The following DCLK1 variants were observed in gnomAD, a reference collection of about 807,000 sequenced individuals.
DCLK1 encodes serine/threonine-protein kinase DCLK1.
In DCLK1, 16 loss-of-function variants were observed where a neutral mutation model predicts 86.2. The observed-to-expected ratio is 0.19, with a 90% CI of 0.13 to 0.28. DCLK1 has a LOEUF of 0.28. Among genes scored for constraint, DCLK1 ranks in the 10% least tolerant of loss-of-function variants. The probability of loss-of-function intolerance (pLI) is 1.00; values close to 1 mark genes in which losing one functional copy is unlikely to be tolerated. For synonymous variants in DCLK1, 369 were observed against 370.5 expected (o/e 1.00, Z 0.05); for missense variants, 590 against 940.2 (o/e 0.63, Z 4.87).
intron 5 of DCLK1, among the ~76,000 whole-genome samples, chr13:35,867,809 G>GA (rs1341363212): frequency 1.4e-5 from 2 of 144,836 alleles, no homozygotes; most frequent in Non-Finnish European, 3.1e-5. Flanking sequence ...ATGTACGCAA[G>GA]AATCTGATCC....
At chr13:35,895,322 A>C (rs74502583) in intron 4 of DCLK1, among the ~76,000 whole-genome samples, 2 of 151,846 alleles carry the variant, frequency 1.3e-5, no homozygotes, top group East Asian at 3.9e-4. Flanking sequence ...AATTCACTGG[A>C]TGGATTTTAA....
Position 36,056,629 on chromosome 13 carries a change from A to G in DCLK1, c.723+55240T>C, listed in dbSNP as rs1363036844. On this transcript the variant is annotated intron_variant, in intron 3 of 16. Coordinates refer to ENST00000360631, the MANE Select transcript of DCLK1 (RefSeq NM_001330071.2). ...CTTAAAGTATAATTTAAAAAAAAAA[A>G]AAAAAAAGAAAGAAATTCCAGAGCA... is the stretch of plus-strand genomic sequence containing the variant. Among the ~76,000 whole-genome samples, 6 of 147,294 alleles carry G rather than the reference A, an allele frequency of 4.1e-5. No individual in the cohort carries two copies. The East Asian group carries it at 1.2e-3, about 29-fold the overall frequency.
chr13:36,130,570 C>G (rs1353046422), intron 1 of DCLK1, among the ~76,000 whole-genome samples: 2 of 152,174 alleles, frequency 1.3e-5, no homozygotes, highest in East Asian at 3.9e-4. Flanking sequence ...ATGAGGCAGC[C>G]TCGCTGTCCC....
rs971426667 is a variant in DCLK1, at chr13:35,774,460, T to C, written c.*75A>G. ...GCGCTAGATAGATCAGATGAAACTG[T>C]TTTACACAAATTTGGGGGAAAAAAA... On this transcript the variant is annotated 3_prime_UTR_variant, in exon 17 of 17. Transcript: ENST00000360631. The C allele has an allele frequency of 1.4e-4, 207 of 1,521,320 alleles. No homozygotes were observed. The highest frequency in any genetic ancestry group is 4.3e-4 in the Admixed American group (21 of 48,884). The allele number at this position is 1,521,320 out of a possible 1,614,324, so 94.2% of individuals were successfully genotyped here.
chr13:35,878,047 C>T (rs532707119), intron 4 of DCLK1, among the ~76,000 whole-genome samples: 3 of 152,238 alleles, frequency 2.0e-5, no homozygotes, highest in South Asian at 2.1e-4. Context: ...ATTCTCTCCT[C>T]CTGTCTCCAT....
intron 3 of DCLK1, among the ~76,000 whole-genome samples, chr13:35,951,333 C>G (rs1187494283): frequency 6.6e-6 from 1 of 150,976 alleles, no homozygotes; most frequent in Non-Finnish European, 1.5e-5. Flanking sequence ...GATAGATGGA[C>G]GGATGGAAGA....
intron 3 of DCLK1, among the ~76,000 whole-genome samples, chr13:35,951,489 T>A (rs553234989): frequency 6.6e-6 from 1 of 150,772 alleles, no homozygotes; most frequent in African/African-American, 2.4e-5. Context: ...TATAGCCTAT[T>A]GCTCAGTTGC....
intron 6 of DCLK1, among the ~76,000 whole-genome samples, chr13:35,845,077 G>A (rs2153108839): frequency 6.6e-6 from 1 of 152,176 alleles, no homozygotes; most frequent in African/African-American, 2.4e-5. Context: ...GCGAAACCCT[G>A]TCTCTACTAA....
intron 4 of DCLK1, among the ~76,000 whole-genome samples, chr13:35,878,757 A>G (rs1872721537): frequency 6.6e-6 from 1 of 151,976 alleles, no homozygotes; most frequent in Non-Finnish European, 1.5e-5. Flanking sequence ...TGTACTCCAT[A>G]AATACATACA....
At chr13:35,999,850 T>A (rs1880635134) in intron 3 of DCLK1, among the ~76,000 whole-genome samples, 1 of 152,176 alleles carries the variant, frequency 6.6e-6, no homozygotes, top group Admixed American at 6.5e-5. Flanking sequence ...CTAGAGCTAA[T>A]CCTAGACTGT....
chr13:35,904,485 C>T (rs1473574409), intron 4 of DCLK1, among the ~76,000 whole-genome samples: 1 of 152,170 alleles, frequency 6.6e-6, no homozygotes, highest in East Asian at 1.9e-4. Flanking sequence ...AGCCACTGTG[C>T]CTGGCCTAAT....
intron 3 of DCLK1, among the ~76,000 whole-genome samples, chr13:35,997,699 G>T (rs1361437761): frequency 6.6e-6 from 1 of 152,110 alleles, no homozygotes; most frequent in Non-Finnish European, 1.5e-5. Flanking sequence ...CTTTAAATCA[G>T]ATATAAAAGA....
At chr13:35,786,876 C>A (rs184433445) in intron 16 of DCLK1, among the ~76,000 whole-genome samples, 2 of 152,192 alleles carry the variant, frequency 1.3e-5, no homozygotes, top group Admixed American at 1.3e-4. Context: ...ACACAAATAG[C>A]CTTCTATGTC....
At position 35,793,471 on chromosome 13, in the gene DCLK1, G is replaced by A. The variant is rs2086745051; in HGVS notation, c.1953C>T (p.Gly651=). ...VLEHPWVNDD[G]LPENEHQLSV... Reference sequence around the variant, plus strand: ...ACAGCTGATGTTCATTTTCTGGGAGGCCATCATCCTGGAGAAAAAGAAATA... The same window carrying A: ...ACAGCTGATGTTCATTTTCTGGGAGACCATCATCCTGGAGAAAAAGAAATA... Residue 651 remains glycine, a synonymous_variant, in exon 16 of 17, where the codon GGC becomes GGT. Coordinates refer to ENST00000360631, the MANE Select transcript of DCLK1 (RefSeq NM_001330071.2). The A allele has an allele frequency of 6.3e-7, 1 of 1,598,462 alleles. No individual in the cohort carries two copies. Among genetic ancestry groups the A allele is most frequent in the East Asian group, 2.3e-5 (1 of 44,306 alleles).
rs1016747467 is a variant in DCLK1 at position 35,955,011 on chromosome 13, T to C, written c.724-7554A>G. ...GTCAATTATGGAATTGAAAGTGTAT[T>C]CCTTCCTTGGATGTGTTCTCAGCTG... On this transcript the variant is annotated intron_variant, in intron 3 of 16. Coordinates refer to ENST00000360631, the MANE Select transcript of DCLK1 (RefSeq NM_001330071.2). 6.6e-5 allele frequency among the ~76,000 whole-genome samples: 10 copies of C among 152,258 alleles called. No homozygotes were observed. In the East Asian group the frequency reaches 1.9e-3, roughly 29 times the overall value.
chr13:35,866,519 C>A (rs1357362413), intron 5 of DCLK1, among the ~76,000 whole-genome samples: 2 of 149,182 alleles, frequency 1.3e-5, no homozygotes, highest in Non-Finnish European at 3.0e-5. Context: ...GTTGTGCAAT[C>A]TCGACTCACT....
chr13:36,100,672 A>T (rs1885184451), intron 3 of DCLK1, among the ~76,000 whole-genome samples: 1 of 152,134 alleles, frequency 6.6e-6, no homozygotes, highest in Non-Finnish European at 1.5e-5. Flanking sequence ...GTCGCTGGGC[A>T]TTGTATGGCT....
chr13:35,954,768 A>G (rs543997917), intron 3 of DCLK1, among the ~76,000 whole-genome samples: 7 of 152,134 alleles, frequency 4.6e-5, no homozygotes, highest in Admixed American at 6.6e-5. Context: ...ATAATAATTA[A>G]CAGAAAGAAG....
At chr13:35,839,210 T>C in intron 6 of DCLK1, 34 bp from the exon 7 acceptor site, 2 of 1,541,788 alleles carry the variant, frequency 1.3e-6, no homozygotes, top group South Asian at 2.4e-5. Context: ...ATTCAAAAAC[T>C]GGGTCAGAAT....
Sources: gnomAD v4.1 joint callset for allele counts (sites outside exome capture counted in the v4.1 genomes callset) on GRCh38, gnomAD v4.1.1 for gene constraint, MANE v1.5 for transcripts, NCBI Gene and HGNC (gene_info 2026-07-23, HGNC 2026-07-21) for gene names.